Variants in AIRIM observed in about 807,000 individuals in gnomAD.
AIRIM encodes AFG2 interacting ribosome maturation factor.
the AIRIM span, among the ~76,000 whole-genome samples, chr1:37,684,480 G>A: frequency 7.2e-5 from 11 of 152,138 alleles, no homozygotes; most frequent in Non-Finnish European, 1.3e-4. Flanking sequence ...TTAGCCAGGC[G>A]TGGTGGCAGG....
the AIRIM span, among the ~76,000 whole-genome samples, chr1:37,685,443 G>A: frequency 6.7e-6 from 1 of 149,364 alleles, no homozygotes; most frequent in African/African-American, 2.5e-5. Flanking sequence ...GCAGTGGCAC[G>A]ATCTCAGCTC....
the AIRIM span, chr1:37,689,506 T>G: frequency 7.3e-7 from 1 of 1,376,064 alleles, no homozygotes; most frequent in East Asian, 2.4e-5. Flanking sequence ...CATGCCACGC[T>G]TTCAAGGAGA....
At chr1:37,690,490 T>A in the AIRIM span, 1 of 1,222,642 alleles carries the variant, frequency 8.2e-7, no homozygotes. Flanking sequence ...GTGAGAACCC[T>A]CCAGGGACTG....
chr1:37,689,956 G>A, the AIRIM span: 5 of 1,473,982 alleles, frequency 3.4e-6, no homozygotes, highest in Non-Finnish European at 4.5e-6. Flanking sequence ...CTGGGTCGAG[G>A]GTGGGCGTCA....
At chr1:37,682,052 T>TA in the AIRIM span, 12 of 152,304 alleles carry the variant, frequency 7.9e-5, no homozygotes, top group African/African-American at 2.9e-4. Flanking sequence ...ACCCTATCTA[T>TA]ATTAAAAGAA....
chr1:37,687,121 GTTTTTGT>G, the AIRIM span, among the ~76,000 whole-genome samples: 4 of 146,916 alleles, frequency 2.7e-5, no homozygotes, highest in Admixed American at 1.4e-4. Flanking sequence ...TATAGTTTTT[GTTTTTGT>G]TTTTTGTTTT....
At chr1:37,690,524 G>A in the AIRIM span, 19 of 1,175,502 alleles carry the variant, frequency 1.6e-5, no homozygotes, top group African/African-American at 2.4e-4. Context: ...CAGTCTCTCT[G>A]CGCATGCTCA....
the AIRIM span, chr1:37,691,924 G>GC: frequency 1.9e-3 from 292 of 152,128 alleles, 1 homozygote; most frequent in East Asian, 4.3e-3. Context: ...GGGATAGCGC[G>GC]CCCCCCCCAA....
chr1:37,684,536 T>C, the AIRIM span, among the ~76,000 whole-genome samples: 1 of 152,146 alleles, frequency 6.6e-6, no homozygotes, highest in Non-Finnish European at 1.5e-5. Context: ...GGAGAATTGC[T>C]TGAACTCGGG....
At chr1:37,687,438 TA>T in the AIRIM span, among the ~76,000 whole-genome samples, 20 of 150,142 alleles carry the variant, frequency 1.3e-4, no homozygotes, top group Admixed American at 6.0e-4. Flanking sequence ...AGCTAATATA[TA>T]TTTTTTTTTA....
the AIRIM span, chr1:37,682,260 A>C: frequency 6.6e-6 from 1 of 152,234 alleles, no homozygotes; most frequent in African/African-American, 2.4e-5. Flanking sequence ...TTCAATGACC[A>C]AGATTCCCAC....
the AIRIM span, chr1:37,689,662 C>T: frequency 6.2e-7 from 1 of 1,613,832 alleles, no homozygotes; most frequent in African/African-American, 1.3e-5. Context: ...GCTTACGCCT[C>T]AGCCGCTCTT....
At chr1:37,686,313 A>G in the AIRIM span, 1 of 1,613,992 alleles carries the variant, frequency 6.2e-7, no homozygotes, top group South Asian at 1.1e-5. Context: ...AACCATTCCA[A>G]CATGTCAGCC....
At chr1:37,685,157 C>T in the AIRIM span, among the ~76,000 whole-genome samples, 2 of 129,280 alleles carry the variant, frequency 1.5e-5, no homozygotes, top group Non-Finnish European at 3.1e-5. Flanking sequence ...AATCAAGTTT[C>T]TAAGAGGTTT....
At chr1:37,688,766 T>A in the AIRIM span, among the ~76,000 whole-genome samples, 3 of 151,880 alleles carry the variant, frequency 2.0e-5, no homozygotes, top group Admixed American at 2.0e-4. Context: ...AACCTGTAAC[T>A]CTCAGCCTGG....
At chr1:37,685,830 A>G in the AIRIM span, among the ~76,000 whole-genome samples, 1 of 152,164 alleles carries the variant, frequency 6.6e-6, no homozygotes, top group Non-Finnish European at 1.5e-5. Context: ...TCTTACCACA[A>G]GGCCTTTGCA....
chr1:37,689,939 G>A, the AIRIM span: 3 of 1,491,754 alleles, frequency 2.0e-6, no homozygotes, highest in Non-Finnish European at 2.7e-6. Flanking sequence ...AGTCAGTCGG[G>A]GAGGCACTGG....
chr1:37,689,846 T>C, the AIRIM span: 6 of 1,585,500 alleles, frequency 3.8e-6, no homozygotes, highest in Admixed American at 1.1e-4. Context: ...CTTCAGCGCC[T>C]CCTGCACGGC....
chr1:37,690,657 T>C, the AIRIM span: 1 of 247,378 alleles, frequency 4.0e-6, no homozygotes, highest in Non-Finnish European at 7.7e-6. Flanking sequence ...CCACTCGGCT[T>C]GAAGCTTCCT....
Sources: gnomAD v4.1 joint callset for allele counts (sites outside exome capture counted in the v4.1 genomes callset) on GRCh38, gnomAD v4.1.1 for gene constraint, MANE v1.5 for transcripts, NCBI Gene and HGNC (gene_info 2026-07-23, HGNC 2026-07-21) for gene names.